The following SMAD3 variants were observed in gnomAD, a reference collection of about 807,000 sequenced individuals.
The protein encoded by SMAD3 is MAD homolog 3.
In SMAD3, 12 loss-of-function variants were observed where a neutral mutation model predicts 51.8. The observed-to-expected ratio is 0.23, with a 90% CI of 0.15 to 0.38. The LOEUF is 0.38. Ranked by LOEUF, SMAD3 falls within the 10% of genes least tolerant of loss-of-function variation. SMAD3 has a pLI of 1.00. For missense variants in SMAD3, 294 were observed against 565.6 expected (o/e 0.52, Z 4.87); for synonymous variants, 238 against 227.7 (o/e 1.05, Z -0.41).
intron 1 of SMAD3, among the ~76,000 whole-genome samples, chr15:67,077,375 C>T (rs1960193295): frequency 6.6e-6 from 1 of 152,198 alleles, no homozygotes; most frequent in Non-Finnish European, 1.5e-5. Flanking sequence ...CCCTCACCCT[C>T]AACCCAGGCC....
chr15:67,150,814 TTTTTTA>T (rs1236314889), intron 1 of SMAD3, among the ~76,000 whole-genome samples: 1 of 132,910 alleles, frequency 7.5e-6, no homozygotes, highest in Non-Finnish European at 1.6e-5. Context: ...TTTTTTTTTT[TTTTTTA>T]TTAAGAGAGC....
intron 1 of SMAD3, among the ~76,000 whole-genome samples, chr15:67,149,931 A>G (rs1439378279): frequency 6.6e-6 from 1 of 152,192 alleles, no homozygotes; most frequent in African/African-American, 2.4e-5. Flanking sequence ...TAACTTTTTC[A>G]AGAAACATGG....
intron 1 of SMAD3, among the ~76,000 whole-genome samples, chr15:67,084,200 C>T (rs1288837343): frequency 7.3e-5 from 11 of 151,290 alleles, no homozygotes; most frequent in African/African-American, 1.7e-4. Flanking sequence ...CTCAGCCTCC[C>T]GAGTAGCTGG....
chr15:67,184,892 C>G (rs1307373170), intron 7 of SMAD3, 28 bp downstream of exon 7: 4 of 1,612,044 alleles, frequency 2.5e-6, no homozygotes, highest in Non-Finnish European at 3.4e-6. Flanking sequence ...GCACCCCTGC[C>G]TTGAGGTCCC....
At chr15:67,144,367 A>G (rs1033956896) in intron 1 of SMAD3, among the ~76,000 whole-genome samples, 18 of 151,766 alleles carry the variant, frequency 1.2e-4, no homozygotes, top group African/African-American at 3.9e-4. Flanking sequence ...CTTTTTGTGG[A>G]TATAAAGGGA....
chr15:67,170,287 A>G (rs1037141193), intron 4 of SMAD3, among the ~76,000 whole-genome samples: 1 of 152,224 alleles, frequency 6.6e-6, no homozygotes, highest in Non-Finnish European at 1.5e-5. Flanking sequence ...GGTTAGGATC[A>G]TAAAACTATC....
chr15:67,077,942 G>A (rs143239478), intron 1 of SMAD3: 2 of 152,296 alleles, frequency 1.3e-5, no homozygotes, highest in Admixed American at 1.3e-4. Context: ...TTAAAGCAGG[G>A]GAGTGGCACG....
chr15:67,078,250 G>C (rs1595887606), intron 1 of SMAD3, among the ~76,000 whole-genome samples: 1 of 152,214 alleles, frequency 6.6e-6, no homozygotes, highest in South Asian at 2.1e-4. Context: ...GGGTGTTGCT[G>C]GCCTCCATGC....
rs956245028 is a variant in SMAD3, at chr15:67,182,588, C to G, written c.871+1135C>G. 2.0e-5 allele frequency among the ~76,000 whole-genome samples: 3 copies of G among 151,980 alleles called. No individual in the cohort carries two copies. In the East Asian group the frequency reaches 5.8e-4, roughly 29 times the overall value. On this transcript the variant is annotated intron_variant, in intron 6 of 8. Coordinates refer to ENST00000327367, the MANE Select transcript of SMAD3 (RefSeq NM_005902.4). Reference sequence around the variant, plus strand: ...TATCTCGGGCTCTCACAGAAGACTTCATTTGAAGAGAGGATTGATTCTGTA... The same window carrying G: ...TATCTCGGGCTCTCACAGAAGACTTGATTTGAAGAGAGGATTGATTCTGTA...
chr15:67,107,945 T>C (rs1429615364), intron 1 of SMAD3, among the ~76,000 whole-genome samples: 1 of 150,882 alleles, frequency 6.6e-6, no homozygotes, highest in African/African-American at 2.4e-5. Context: ...CCGAGCAGCC[T>C]CCCTGGATCT....
In SMAD3 at chr15:67,194,001, G is replaced by A. The variant is rs181812913; in HGVS notation, c.*3465G>A. 12 of 233,224 alleles carry A rather than the reference G, an allele frequency of 5.1e-5. No homozygotes were observed. The highest frequency in any genetic ancestry group is 2.2e-4 in the Admixed American group (4 of 17,792). 14.4% of individuals were successfully genotyped at this position (233,224 alleles called of 1,614,324 possible). ...GGAGCTCAGGTTACACCACTCCTTCGTCCTTACAGGAGATGTAGGGAGAAG... is the reference window on the plus strand; with the variant it reads ...GGAGCTCAGGTTACACCACTCCTTCATCCTTACAGGAGATGTAGGGAGAAG... On this transcript the variant is annotated 3_prime_UTR_variant, in exon 9 of 9. Coordinates refer to ENST00000327367, the MANE Select transcript of SMAD3 (RefSeq NM_005902.4).
chr15:67,068,636 AT>A (rs796182832), intron 1 of SMAD3, among the ~76,000 whole-genome samples: 5 of 150,750 alleles, frequency 3.3e-5, no homozygotes, highest in East Asian at 3.9e-4. Context: ...ACAAAAGTAG[AT>A]TTTTTTTTTC....
chr15:67,148,074 C>T (rs1388558021), intron 1 of SMAD3, among the ~76,000 whole-genome samples: 1 of 152,130 alleles, frequency 6.6e-6, no homozygotes, highest in East Asian at 1.9e-4. Context: ...CAGGTTTTCT[C>T]CAAGGCCCTA....
chr15:67,138,048 C>T, intron 1 of SMAD3: 1 of 1,551,772 alleles, frequency 6.4e-7, no homozygotes, highest in Non-Finnish European at 8.7e-7. Flanking sequence ...GCACCCTAGG[C>T]AAACGTGGAA....
intron 3 of SMAD3, 81 bp downstream of exon 3, chr15:67,165,465 C>G: frequency 6.5e-7 from 1 of 1,546,642 alleles, no homozygotes; most frequent in Non-Finnish European, 8.8e-7. Flanking sequence ...GCCCCAATCT[C>G]TGCCCCCTGG....
At position 67,113,264 on chromosome 15, in the gene SMAD3, G is replaced by C. The variant is rs12592502; in HGVS notation, c.206+46904G>C. Among the ~76,000 whole-genome samples the C allele has an allele frequency of 2.5e-5, 2 of 79,814 alleles. 1 individual carries two copies. Among genetic ancestry groups the C allele is most frequent in the Admixed American group, 3.1e-4 (2 of 6,426 alleles). The allele number at this position is 79,814 out of a possible 152,430, so 52.4% of individuals were successfully genotyped here. The stretch of plus-strand genomic sequence containing the variant: ...ACCACGCCCGGCCAATTTTTTTTTT[G>C]TATTTTTAGTAGAGACGAGGTTTCA... On this transcript the variant is annotated intron_variant, in intron 1 of 8. Transcript: ENST00000327367.
At chr15:67,145,455 AAAG>A in intron 1 of SMAD3, among the ~76,000 whole-genome samples, 2 of 152,344 alleles carry the variant, frequency 1.3e-5, no homozygotes, top group South Asian at 4.1e-4. Context: ...AAAAAACAGA[AAAG>A]AAAGACAAAA....
chr15:67,138,059 A>G, intron 1 of SMAD3: 2 of 1,551,842 alleles, frequency 1.3e-6, no homozygotes, highest in Non-Finnish European at 1.7e-6. Context: ...AAACGTGGAA[A>G]GGCGCAGCTC....
chr15:67,137,866 G>C, intron 1 of SMAD3: 1 of 596,770 alleles, frequency 1.7e-6, no homozygotes. Flanking sequence ...GCAAAGTACT[G>C]TCCTCCCTTT....
Sources: allele counts gnomAD v4.1 joint callset (sites outside exome capture counted in the v4.1 genomes callset), GRCh38; gene constraint gnomAD v4.1.1; transcripts MANE v1.5; gene names NCBI Gene and HGNC (gene_info 2026-07-23, HGNC 2026-07-21).